The following SPATA9 variants were observed in gnomAD, a reference collection of about 807,000 sequenced individuals.
SPATA9 encodes spermatogenesis associated 9.
SPATA9 carries 27 observed loss-of-function variants against 25.5 expected under a neutral mutation model. That is an observed-to-expected ratio of 1.06 (90% CI 0.78 to 1.46). The LOEUF is 1.46. SPATA9 is among the 40% of genes most tolerant of loss of function. SPATA9 has a pLI of 0.00. For missense variants in SPATA9, 282 were observed against 297.5 expected (o/e 0.95, Z 0.38); for synonymous variants, 102 against 105.7 (o/e 0.97, Z 0.21).
chr5:95,683,590 T>G (rs1055853908), upstream of SPATA9, among the ~76,000 whole-genome samples: 5 of 152,108 alleles, frequency 3.3e-5, no homozygotes, highest in African/African-American at 9.7e-5. Flanking sequence ...CAGGCTGGAG[T>G]GCAGTGGCGC....
At chr5:95,675,720 CT>C in intron 2 of SPATA9, 81 bp from the exon 3 acceptor site, 1 of 1,103,920 alleles carries the variant, frequency 9.1e-7, no homozygotes. Flanking sequence ...AGACTGACTA[CT>C]ATATAACTAC....
chr5:95,688,454 G>C (rs1172352106), intron 1 of SPATA9, among the ~76,000 whole-genome samples: 1 of 152,140 alleles, frequency 6.6e-6, no homozygotes, highest in African/African-American at 2.4e-5. Context: ...GTCTGGCTAT[G>C]TTGCCCAGGC....
chr5:95,710,769 A>T, the SPATA9 span, among the ~76,000 whole-genome samples: 1 of 152,146 alleles, frequency 6.6e-6, no homozygotes, highest in Non-Finnish European at 1.5e-5. Flanking sequence ...AGCCGCCACT[A>T]AGATTTTTGT....
chr5:95,663,733 A>C (rs117464414), intron 4 of SPATA9, among the ~76,000 whole-genome samples: 1 of 152,308 alleles, frequency 6.6e-6, no homozygotes, highest in East Asian at 1.9e-4. Flanking sequence ...AAGTGGTAAT[A>C]AACTTTATGA....
chr5:95,698,123 A>G (rs1221282672), intron 1 of SPATA9, among the ~76,000 whole-genome samples: 1 of 152,206 alleles, frequency 6.6e-6, no homozygotes, highest in African/African-American at 2.4e-5. Flanking sequence ...TACATAATAG[A>G]GTGCTTGGGA....
chr5:95,724,383 A>G, the SPATA9 span, among the ~76,000 whole-genome samples: 1 of 152,266 alleles, frequency 6.6e-6, no homozygotes, highest in Admixed American at 6.5e-5. Context: ...TGTTTAACAC[A>G]TAGTTTCAGA....
At chr5:95,711,624 G>T in the SPATA9 span, among the ~76,000 whole-genome samples, 1 of 152,140 alleles carries the variant, frequency 6.6e-6, no homozygotes, top group East Asian at 1.9e-4. Context: ...GATATGGGAC[G>T]ACCCTAAGGG....
intron 1 of SPATA9, among the ~76,000 whole-genome samples, chr5:95,693,024 C>T (rs1300037745): frequency 6.6e-6 from 1 of 152,158 alleles, no homozygotes; most frequent in African/African-American, 2.4e-5. Flanking sequence ...ATGTTAAAGT[C>T]TTCCACAAAT....
the SPATA9 span, among the ~76,000 whole-genome samples, chr5:95,704,948 C>CTTT: frequency 2.1e-5 from 3 of 142,222 alleles, no homozygotes; most frequent in Non-Finnish European, 3.1e-5. Context: ...GGATAGAGTA[C>CTTT]TTTTTTTTTT....
the SPATA9 span, among the ~76,000 whole-genome samples, chr5:95,720,997 A>G: frequency 1.3e-5 from 2 of 152,234 alleles, no homozygotes; most frequent in African/African-American, 4.8e-5. Flanking sequence ...AAACCAAAGT[A>G]TATAAAAGAA....
At chr5:95,730,520 T>A in the SPATA9 span, among the ~76,000 whole-genome samples, 25 of 152,348 alleles carry the variant, frequency 1.6e-4, no homozygotes, top group Non-Finnish European at 3.5e-4. Context: ...ATCTAAAGTA[T>A]CTTTGCATTT....
chr5:95,711,254 T>G, the SPATA9 span, among the ~76,000 whole-genome samples: 1 of 152,082 alleles, frequency 6.6e-6, no homozygotes, highest in Non-Finnish European at 1.5e-5. Context: ...CCTCCTCCGG[T>G]CTATTGGCTG....
the SPATA9 span, chr5:95,708,696 A>G: frequency 2.9e-6 from 2 of 693,140 alleles, no homozygotes; most frequent in Non-Finnish European, 2.6e-6. Flanking sequence ...CAAGGTTGAC[A>G]CTTTCTGCTC....
chr5:95,728,704 G>A, the SPATA9 span, among the ~76,000 whole-genome samples: 1 of 152,268 alleles, frequency 6.6e-6, no homozygotes, highest in South Asian at 2.1e-4. Flanking sequence ...AGTAGAGGCT[G>A]GGTACACTAA....
the SPATA9 span, among the ~76,000 whole-genome samples, chr5:95,729,430 C>A: frequency 6.6e-6 from 1 of 152,174 alleles, no homozygotes; most frequent in African/African-American, 2.4e-5. Context: ...TTGTCAGCAA[C>A]TTTGGTGTCT....
the SPATA9 span, chr5:95,731,460 G>C: frequency 1.6e-6 from 2 of 1,213,670 alleles, no homozygotes; most frequent in Non-Finnish European, 2.0e-6. Flanking sequence ...CCTGAGTAGC[G>C]GCAGCTTATC....
chr5:95,678,688 A>G (rs1283090661), intron 2 of SPATA9, among the ~76,000 whole-genome samples: 1 of 152,196 alleles, frequency 6.6e-6, no homozygotes, highest in Admixed American at 6.5e-5. Context: ...TTTTAAGACC[A>G]TTCCTTTCAC....
chr5:95,729,830 G>A, the SPATA9 span, among the ~76,000 whole-genome samples: 1 of 152,192 alleles, frequency 6.6e-6, no homozygotes, highest in East Asian at 1.9e-4. Flanking sequence ...CATCCATGTT[G>A]TAGTTTATGA....
At chr5:95,700,447 G>A (rs1244447022), upstream of SPATA9, among the ~76,000 whole-genome samples, 1 of 152,188 alleles carries the variant, frequency 6.6e-6, no homozygotes, top group Admixed American at 6.5e-5. Flanking sequence ...TTACAGGCAC[G>A]CGCCACCATG....
Sources: allele counts gnomAD v4.1 joint callset (sites outside exome capture counted in the v4.1 genomes callset), GRCh38; gene constraint gnomAD v4.1.1; transcripts MANE v1.5; gene names NCBI Gene and HGNC (gene_info 2026-07-23, HGNC 2026-07-21).